CTNND2: variants seen among roughly 807,000 people sequenced by gnomAD.
CTNND2 encodes the protein catenin delta-2.
A neutral mutation model predicts 144.4 loss-of-function variants in CTNND2; 22 were observed. The ratio of observed to expected loss-of-function variants is 0.15; its 90% CI spans 0.11 to 0.22. The LOEUF (loss-of-function observed/expected upper bound fraction) is 0.22. Among genes scored for constraint, CTNND2 ranks in the 10% least tolerant of loss-of-function variants. The pLI is 1.00. For synonymous variants in CTNND2, 751 were observed against 695.6 expected (o/e 1.08, Z -1.25); for missense variants, 1,353 against 1,618.8 (o/e 0.84, Z 2.82).
At chr5:11,430,064 A>G (rs1763143246) in intron 3 of CTNND2, among the ~76,000 whole-genome samples, 1 of 151,886 alleles carries the variant, frequency 6.6e-6, no homozygotes, top group African/African-American at 2.4e-5. Context: ...AGCCTGGCCA[A>G]TATGGTGAAA....
intron 14 of CTNND2, among the ~76,000 whole-genome samples, 186 bp downstream of exon 14, chr5:11,110,672 C>T (rs369895724): frequency 6.6e-6 from 1 of 152,210 alleles, no homozygotes; most frequent in Non-Finnish European, 1.5e-5. Context: ...AACTGCGAGA[C>T]GTGAGGGAAA....
At chr5:11,686,591 C>T (rs1414615297) in intron 2 of CTNND2, among the ~76,000 whole-genome samples, 1 of 151,956 alleles carries the variant, frequency 6.6e-6, no homozygotes, top group Non-Finnish European at 1.5e-5. Context: ...TAGTCACTAC[C>T]TTAGGCTCCA....
At chr5:11,846,427 T>C (rs1561853582) in intron 1 of CTNND2, among the ~76,000 whole-genome samples, 3 of 152,104 alleles carry the variant, frequency 2.0e-5, no homozygotes, top group African/African-American at 7.2e-5. Context: ...TCTCTCACCA[T>C]ATACAAAAAT....
At chr5:11,627,073 T>C (rs1171978296) in intron 2 of CTNND2, among the ~76,000 whole-genome samples, 1 of 152,180 alleles carries the variant, frequency 6.6e-6, no homozygotes, top group Non-Finnish European at 1.5e-5. Flanking sequence ...TGGTGATCAC[T>C]ATGCTCCAAA....
intron 3 of CTNND2, among the ~76,000 whole-genome samples, chr5:11,423,519 T>C (rs1277855779): frequency 1.3e-5 from 2 of 152,206 alleles, no homozygotes; most frequent in African/African-American, 4.8e-5. Flanking sequence ...TGTCGGACCA[T>C]CTCAGTTAAG....
intron 1 of CTNND2, among the ~76,000 whole-genome samples, chr5:11,845,551 GA>G (rs1198895408): frequency 2.6e-5 from 4 of 152,164 alleles, no homozygotes; most frequent in Non-Finnish European, 5.9e-5. Context: ...CAAAAGCAAA[GA>G]AACAGAAAAG....
intron 3 of CTNND2, among the ~76,000 whole-genome samples, chr5:11,541,286 C>T (rs746105992): frequency 6.6e-6 from 1 of 152,136 alleles, no homozygotes; most frequent in African/African-American, 2.4e-5. Context: ...TTTCAGGAAC[C>T]ACTGGTGCAA....
At chr5:11,442,758 C>A (rs1764372483) in intron 3 of CTNND2, among the ~76,000 whole-genome samples, 1 of 148,048 alleles carries the variant, frequency 6.8e-6, no homozygotes, top group South Asian at 2.1e-4. Flanking sequence ...TATAAAATTC[C>A]ATTTTATGAG....
intron 2 of CTNND2, among the ~76,000 whole-genome samples, chr5:11,579,218 T>C (rs1031592218): frequency 1.6e-4 from 25 of 151,686 alleles, no homozygotes; most frequent in African/African-American, 6.1e-4. Context: ...TAGCAAAGGA[T>C]AGATCCATAT....
chr5:11,546,648 G>C (rs967595084), intron 3 of CTNND2, among the ~76,000 whole-genome samples: 1 of 152,100 alleles, frequency 6.6e-6, no homozygotes, highest in Non-Finnish European at 1.5e-5. Context: ...AAACTCTGTG[G>C]AGCCTAGCAA....
intron 3 of CTNND2, among the ~76,000 whole-genome samples, chr5:11,518,179 T>G (rs530859268): frequency 6.6e-5 from 10 of 152,316 alleles, no homozygotes; most frequent in Middle Eastern, 3.4e-3. Context: ...CCTAGTGATA[T>G]CATCTTGTTG....
chr5:11,519,869 T>G (rs1772554722), intron 3 of CTNND2, among the ~76,000 whole-genome samples: 1 of 151,992 alleles, frequency 6.6e-6, no homozygotes, highest in Non-Finnish European at 1.5e-5. Context: ...CCAGGCATGG[T>G]GGCTCATGCC....
chr5:11,666,254 T>C (rs1783564819), intron 2 of CTNND2, among the ~76,000 whole-genome samples: 1 of 152,168 alleles, frequency 6.6e-6, no homozygotes, highest in African/African-American at 2.4e-5. Context: ...CATAGGATTG[T>C]CTAAGCTATG....
In CTNND2 at chr5:11,797,453, G is replaced by T. The variant is rs556582320; in HGVS notation, c.38-65181C>A. On this transcript the variant is annotated intron_variant, in intron 1 of 21. Transcript: ENST00000304623. ...GGGTTCAGTGGTATCATTACCACAG[G>T]ATCAAATTGTGATCAAAGACAAAAA... Among the ~76,000 whole-genome samples, 10 of 152,202 alleles carry T rather than the reference G, an allele frequency of 6.6e-5. No individual in the cohort carries two copies. The South Asian group carries it at 8.3e-4, about 13-fold the overall frequency.
At chr5:11,675,212 T>C (rs1367576814) in intron 2 of CTNND2, among the ~76,000 whole-genome samples, 1 of 152,180 alleles carries the variant, frequency 6.6e-6, no homozygotes, top group South Asian at 2.1e-4. Context: ...ATACTTTAAA[T>C]GGGAAATAAG....
chr5:11,890,494 C>T lies in CTNND2; in HGVS notation c.37+13323G>A, dbSNP rs115410851. On this transcript the variant is annotated intron_variant, in intron 1 of 21. Coordinates refer to ENST00000304623, the MANE Select transcript of CTNND2 (RefSeq NM_001332.4). ...CTCACATCCCTTCAGATAGACTATC[C>T]GTCTTCTGTCTTGTCTTCTCATTTC... is the stretch of plus-strand genomic sequence containing the variant. Among the ~76,000 whole-genome samples, 758 of 152,244 alleles carry T rather than the reference C, an allele frequency of 5.0e-3. 8 individuals are homozygous for T. The highest frequency in any genetic ancestry group is 0.015 in the African/African-American group (635 of 41,558).
intron 9 of CTNND2, among the ~76,000 whole-genome samples, chr5:11,330,652 C>G (rs1487397317): frequency 2.0e-5 from 3 of 151,570 alleles, no homozygotes; most frequent in Admixed American, 6.6e-5. Flanking sequence ...GATGAACCCC[C>G]ACCCCCTGTC....
At chr5:11,780,892 G>A (rs569428112) in intron 1 of CTNND2, among the ~76,000 whole-genome samples, 1 of 152,338 alleles carries the variant, frequency 6.6e-6, no homozygotes, top group South Asian at 2.1e-4. Context: ...GCTGGCCAGT[G>A]ATGTCAGTGT....
At chr5:11,041,866 A>T (rs1321816328) in intron 16 of CTNND2, among the ~76,000 whole-genome samples, 6 of 152,200 alleles carry the variant, frequency 3.9e-5, no homozygotes, top group African/African-American at 1.4e-4. Flanking sequence ...TGCAACATAA[A>T]TGCAGGAAAT....
Sources: gnomAD v4.1 joint callset for allele counts (sites outside exome capture counted in the v4.1 genomes callset) on GRCh38, gnomAD v4.1.1 for gene constraint, MANE v1.5 for transcripts, NCBI Gene and HGNC (gene_info 2026-07-23, HGNC 2026-07-21) for gene names.